Variants in TBX18 observed in about 807,000 individuals in gnomAD.
The protein encoded by TBX18 is T-box transcription factor TBX18.
TBX18 carries 21 observed loss-of-function variants against 55.0 expected under a neutral mutation model. The ratio of observed to expected loss-of-function variants is 0.38; its 90% confidence interval spans 0.27 to 0.55. TBX18 has a LOEUF of 0.55. Among genes scored for constraint, TBX18 ranks in the 20% least tolerant of loss-of-function variants. The pLI is 0.73. For synonymous variants in TBX18, 342 were observed against 326.1 expected (o/e 1.05, Z -0.53); for missense variants, 840 against 799.6 (o/e 1.05, Z -0.61).
At chr6:84,750,859 A>T (rs1175024133) in intron 4 of TBX18, among the ~76,000 whole-genome samples, 1 of 152,092 alleles carries the variant, frequency 6.6e-6, no homozygotes, top group Non-Finnish European at 1.5e-5. Flanking sequence ...ATGACCAATC[A>T]TATCATAGCA....
At position 84,764,009 on chromosome 6, in the gene TBX18, C is replaced by A; in HGVS notation, c.173G>T (p.Gly58Val). ...GAVDDGGCSR[G>V]GGAGEKGSSE... is the part of the protein sequence containing the mutation. ...AGAACCCTTTTCGCCCGCGCCGCCG[C>A]CGCGGCTGCAGCCTCCGTCGTCCAC... Residue 58 changes from glycine (G) to valine (V), a missense_variant, in exon 1 of 8, where the codon GGC becomes GTC. Physicochemically the swap from Gly to Val is moderately radical, Grantham distance 109. Transcript: ENST00000369663. The A allele has an allele frequency of 7.7e-6, 12 of 1,558,782 alleles. No individual in the cohort carries two copies. Among genetic ancestry groups the A allele is most frequent in the Non-Finnish European group, 1.0e-5 (12 of 1,156,148 alleles).
At chr6:84,755,407 CA>C (rs1208626918) in intron 4 of TBX18, among the ~76,000 whole-genome samples, 1 of 151,528 alleles carries the variant, frequency 6.6e-6, no homozygotes, top group Admixed American at 6.6e-5. Context: ...TGTTCTATTC[CA>C]AAAAAAAGTC....
chr6:84,764,257 C>A lies in TBX18; in HGVS notation c.-76G>T, dbSNP rs1159774443. Reference sequence around the variant, plus strand: ...CACACGCGCGCTCTCGCTCTTCCCCCACCAAAAACTAAAAGGCTCTCGGGG... The same window carrying A: ...CACACGCGCGCTCTCGCTCTTCCCCAACCAAAAACTAAAAGGCTCTCGGGG... On this transcript the variant is annotated 5_prime_UTR_variant, in exon 1 of 8. Coordinates refer to ENST00000369663, the MANE Select transcript of TBX18 (RefSeq NM_001080508.3). 8.0e-6 allele frequency: 11 copies of A among 1,373,654 alleles called. No individual in the cohort carries two copies. The highest frequency in any genetic ancestry group is 1.7e-5 in the South Asian group (1 of 59,380). The allele number at this position is 1,373,654 out of a possible 1,614,324, so 85.1% of individuals were successfully genotyped here.
At position 84,747,988 on chromosome 6, in the gene TBX18, C is replaced by G. The variant is rs1162850117; in HGVS notation, c.871G>C (p.Glu291Gln). The G allele has an allele frequency of 6.2e-7, 1 of 1,613,500 alleles. No individual in the cohort carries two copies. The highest frequency in any genetic ancestry group is 8.5e-7 in the Non-Finnish European group (1 of 1,179,538). Reference sequence around the variant, plus strand: ...GGAAAGGAGAATGCCTTTACTCCCTCCCCGGATGGAACAGGCTTGATGGGA... The same window carrying G: ...GGAAAGGAGAATGCCTTTACTCCCTGCCCGGATGGAACAGGCTTGATGGGA... ...LSPIKPVPSG[E>Q]GVKAFSFPET... Residue 291 changes from glutamate to glutamine, a missense_variant, in exon 5 of 8, where the codon GAG becomes CAG. Coordinates refer to ENST00000369663, the MANE Select transcript of TBX18 (RefSeq NM_001080508.3).
At position 84,736,470 on chromosome 6, in the gene TBX18, G is replaced by C; in HGVS notation, c.*215C>G. The stretch of plus-strand genomic sequence containing the variant: ...TGGATGAAACAGGGGAACAATAGGG[G>C]CCGTGATACTCCATGTGCTATGTAT... On this transcript the variant is annotated 3_prime_UTR_variant, in exon 8 of 8. Transcript: ENST00000369663. The C allele has an allele frequency of 2.5e-6, 1 of 398,022 alleles. No individual in the cohort carries two copies. Among genetic ancestry groups the C allele is most frequent in the Non-Finnish European group, 4.2e-6 (1 of 236,002 alleles). The allele number at this position is 398,022 out of a possible 1,614,324, so 24.7% of individuals were successfully genotyped here.
chr6:84,763,809 G>C lies in TBX18; in HGVS notation c.292+81C>G. 1.7e-5 allele frequency: 24 copies of C among 1,424,596 alleles called. 1 individual carries two copies. In the South Asian group the frequency reaches 3.6e-4, roughly 22 times the overall value. 88.2% of individuals were successfully genotyped at this position (1,424,596 alleles called of 1,614,324 possible). On this transcript the variant is annotated intron_variant, in intron 1 of 7. Transcript: ENST00000369663. ...AGTGGCCTTGGCCATGTAGGGACGC[G>C]GCGCGCACGCACACCCACAGACTCG...
intron 4 of TBX18, among the ~76,000 whole-genome samples, chr6:84,752,342 G>A (rs1207679114): frequency 2.0e-5 from 3 of 152,160 alleles, no homozygotes; most frequent in African/African-American, 7.2e-5. Flanking sequence ...AAATTCCCAT[G>A]ATGTAATAAG....
At chr6:84,757,070 C>T (rs1351314631) in intron 3 of TBX18, among the ~76,000 whole-genome samples, 2 of 152,138 alleles carry the variant, frequency 1.3e-5, no homozygotes, top group Non-Finnish European at 2.9e-5. Context: ...GACTAAGGGG[C>T]GTGTTAACGG....
At chr6:84,760,950 C>T (rs1157748855) in intron 2 of TBX18, among the ~76,000 whole-genome samples, 3 of 152,036 alleles carry the variant, frequency 2.0e-5, no homozygotes, top group Admixed American at 6.5e-5. Flanking sequence ...CTAAACACAA[C>T]GTATATTTAC....
chr6:84,737,417 AG>A lies in TBX18; in HGVS notation c.1100-9del. On this transcript the variant is annotated splice_polypyrimidine_tract_variant and intron_variant, in intron 7 of 7. Transcript: ENST00000369663. ...TGGAGGAACTTGCATTGCCTACAAA[AG>A]AAGTTGAAATGTAAAGAATGACTCC... 6.6e-7 allele frequency: 1 copy of A among 1,507,180 alleles called. No individual in the cohort carries two copies. Among genetic ancestry groups the A allele is most frequent in the Non-Finnish European group, 8.9e-7 (1 of 1,127,916 alleles). The allele number at this position is 1,507,180 out of a possible 1,614,324, so 93.4% of individuals were successfully genotyped here.
At position 84,764,508 on chromosome 6, in the gene TBX18, A is replaced by G. The variant is rs977502768; in HGVS notation, c.-327T>C. 3.4e-6 allele frequency: 1 copy of G among 296,544 alleles called. No individual in the cohort carries two copies. 18.4% of individuals were successfully genotyped at this position (296,544 alleles called of 1,614,324 possible). A position where few individuals can be genotyped will look rare whatever the true frequency, so the allele number is the denominator to read the frequency against. Reference sequence around the variant, plus strand: ...AACTGATGCGCCAGAGAGGACTAACATGGGTAAAAAACACTCTGTGGACAC... The same window carrying G: ...AACTGATGCGCCAGAGAGGACTAACGTGGGTAAAAAACACTCTGTGGACAC... On this transcript the variant is annotated 5_prime_UTR_variant, in exon 1 of 8. The change abolishes an upstream ATG in the 5' untranslated region. Coordinates refer to ENST00000369663, the MANE Select transcript of TBX18 (RefSeq NM_001080508.3).
chr6:84,763,012 C>T (rs1337911860), intron 1 of TBX18: 12 of 544,302 alleles, frequency 2.2e-5, no homozygotes, highest in Non-Finnish European at 3.6e-5. Context: ...CAGCGTCCAC[C>T]CCACCCGCTG....
intron 2 of TBX18, 26 bp from the exon 3 acceptor site, chr6:84,760,382 G>A: frequency 1.3e-6 from 2 of 1,550,144 alleles, no homozygotes; most frequent in Admixed American, 3.7e-5. Context: ...AAGAGAAAGA[G>A]GGTTTGGGGT....
Position 84,756,754 on chromosome 6 carries a change from C to T in TBX18, c.715G>A (p.Val239Ile), listed in dbSNP as rs1054454799. ...AGCTTCAGCTTGTCGAAGCTGATAA[C>T]TTGTCTCATCCAAGTCTCCCCCGAG... Reference protein sequence around the residue: ...PASGETWMRQVISFDKLKLTN... With the variant: ...PASGETWMRQIISFDKLKLTN... Residue 239 changes from valine (V) to isoleucine (I), a missense_variant, in exon 4 of 8, where the codon GTT becomes ATT. Val to Ile is a conservative substitution (Grantham distance 29, BLOSUM62 3). Transcript: ENST00000369663. The T allele has an allele frequency of 7.1e-5, 114 of 1,614,028 alleles. No homozygotes were observed. The highest frequency in any genetic ancestry group is 9.3e-5 in the Non-Finnish European group (110 of 1,180,052).
chr6:84,739,777 T>C (rs887636564), intron 6 of TBX18, among the ~76,000 whole-genome samples: 2 of 152,118 alleles, frequency 1.3e-5, no homozygotes, highest in Non-Finnish European at 2.9e-5. Flanking sequence ...ATACACAATA[T>C]GGTGAAAGCT....
At position 84,764,278 on chromosome 6, in the gene TBX18, C is replaced by G; in HGVS notation, c.-97G>C. Reference sequence around the variant, plus strand: ...CCCCCACCAAAAACTAAAAGGCTCTCGGGGCCTCCCGAGATCTGCCCCCTT... The same window carrying G: ...CCCCCACCAAAAACTAAAAGGCTCTGGGGGCCTCCCGAGATCTGCCCCCTT... On this transcript the variant is annotated 5_prime_UTR_variant, in exon 1 of 8. Coordinates refer to ENST00000369663, the MANE Select transcript of TBX18 (RefSeq NM_001080508.3). 1 of 1,350,214 alleles carries G rather than the reference C, an allele frequency of 7.4e-7. No homozygotes were observed. The highest frequency in any genetic ancestry group is 1.8e-5 in the South Asian group (1 of 56,492). The allele number at this position is 1,350,214 out of a possible 1,614,324, so 83.6% of individuals were successfully genotyped here.
Position 84,735,650 on chromosome 6 carries a change from A to T in TBX18, c.*1035T>A, listed in dbSNP as rs1333776787. ...GTGTAGGAATTACAAGATATAAATAAGTAGCATAAATGCATTTTTTTTACT... is the reference window on the plus strand; with the variant it reads ...GTGTAGGAATTACAAGATATAAATATGTAGCATAAATGCATTTTTTTTACT... On this transcript the variant is annotated 3_prime_UTR_variant, in exon 8 of 8. Coordinates refer to ENST00000369663, the MANE Select transcript of TBX18 (RefSeq NM_001080508.3). 1 of 152,246 alleles carries T rather than the reference A, an allele frequency of 6.6e-6. No individual in the cohort carries two copies. Among genetic ancestry groups the T allele is most frequent in the Non-Finnish European group, 1.5e-5 (1 of 68,034 alleles). The allele number at this position is 152,246 out of a possible 1,614,324, so 9.4% of individuals were successfully genotyped here. A position where few individuals can be genotyped will look rare whatever the true frequency, so the allele number is the denominator to read the frequency against.
chr6:84,760,888 AGTT>A (rs1260503019), intron 2 of TBX18, among the ~76,000 whole-genome samples: 1 of 152,156 alleles, frequency 6.6e-6, no homozygotes, highest in Non-Finnish European at 1.5e-5. Context: ...GAAGTGCAAA[AGTT>A]GCTCTAAATT....
intron 1 of TBX18, chr6:84,763,548 TAA>T (rs931277859): frequency 3.7e-6 from 2 of 546,956 alleles, no homozygotes; most frequent in African/African-American, 3.8e-5. Flanking sequence ...CCTGTGCTTT[TAA>T]AAGTTAGGAA....
Sources: gnomAD v4.1 joint callset for allele counts (sites outside exome capture counted in the v4.1 genomes callset) on GRCh38, gnomAD v4.1.1 for gene constraint, MANE v1.5 for transcripts, NCBI Gene and HGNC (gene_info 2026-07-23, HGNC 2026-07-21) for gene names.